The following AHCYL2 variants were observed in gnomAD, a reference collection of about 807,000 sequenced individuals.
AHCYL2 encodes the protein adenosylhomocysteinase like 2.
AHCYL2 carries 28 observed loss-of-function variants against 81.4 expected under a neutral mutation model. That is an observed-to-expected ratio of 0.34 (90% CI 0.25 to 0.47). The LOEUF is 0.47. Among genes scored for constraint, AHCYL2 ranks in the 20% least tolerant of loss-of-function variants. AHCYL2 has a pLI of 1.00. For missense variants in AHCYL2, 551 were observed against 785.1 expected (o/e 0.70, Z 3.56); for synonymous variants, 272 against 290.2 (o/e 0.94, Z 0.64).
intron 10 of AHCYL2, among the ~76,000 whole-genome samples, chr7:129,408,864 G>T (rs1796428470): frequency 6.6e-6 from 1 of 152,178 alleles, no homozygotes; most frequent in African/African-American, 2.4e-5. Flanking sequence ...AAGGGGTATA[G>T]AGTTTTAAGA....
intron 1 of AHCYL2, among the ~76,000 whole-genome samples, chr7:129,238,961 G>A (rs1584691477): frequency 6.6e-6 from 1 of 151,966 alleles, no homozygotes; most frequent in African/African-American, 2.4e-5. Context: ...CAAAAAAAAA[G>A]AACCTTTGTG....
At chr7:129,314,854 G>T (rs1797778444) in intron 1 of AHCYL2, among the ~76,000 whole-genome samples, 2 of 152,150 alleles carry the variant, frequency 1.3e-5, no homozygotes, top group Non-Finnish European at 2.9e-5. Context: ...AGCCACAATG[G>T]CAGTACAGAG....
At chr7:129,325,612 C>A (rs1798194497) in intron 1 of AHCYL2, among the ~76,000 whole-genome samples, 1 of 151,890 alleles carries the variant, frequency 6.6e-6, no homozygotes, top group South Asian at 2.1e-4. Flanking sequence ...TTTTCTATAC[C>A]CCTTTTCTTA....
intron 1 of AHCYL2, among the ~76,000 whole-genome samples, chr7:129,378,955 T>G (rs768814949): frequency 1.3e-5 from 2 of 151,722 alleles, no homozygotes; most frequent in African/African-American, 4.8e-5. Flanking sequence ...TTGTGGGGAG[T>G]GGGGTGTCAC....
At chr7:129,313,125 C>G (rs1440767625) in intron 1 of AHCYL2, among the ~76,000 whole-genome samples, 1 of 152,066 alleles carries the variant, frequency 6.6e-6, no homozygotes, top group Non-Finnish European at 1.5e-5. Context: ...CAAAACAGTC[C>G]CTAATACACA....
At chr7:129,361,196 T>C (rs1333380493) in intron 1 of AHCYL2, among the ~76,000 whole-genome samples, 7 of 152,348 alleles carry the variant, frequency 4.6e-5, no homozygotes, top group Admixed American at 1.3e-4. Flanking sequence ...GTGAGGAAGA[T>C]AGGACAGATT....
chr7:129,370,435 G>T (rs1434796340), intron 1 of AHCYL2, among the ~76,000 whole-genome samples: 1 of 152,270 alleles, frequency 6.6e-6, no homozygotes, highest in Non-Finnish European at 1.5e-5. Flanking sequence ...GGTGGCTCAC[G>T]CCTGTAATCC....
chr7:129,231,346 T>C (rs191231972), intron 1 of AHCYL2, among the ~76,000 whole-genome samples: 2 of 152,310 alleles, frequency 1.3e-5, no homozygotes, highest in Admixed American at 1.3e-4. Context: ...CTACCTACAT[T>C]CTCAGTATCC....
intron 1 of AHCYL2, among the ~76,000 whole-genome samples, chr7:129,261,485 G>C (rs888535187): frequency 3.9e-5 from 6 of 152,118 alleles, no homozygotes; most frequent in Admixed American, 3.9e-4. Context: ...CTTGATTTCA[G>C]CAATATGTAT....
chr7:129,390,837 T>G (rs1413034333), intron 4 of AHCYL2, among the ~76,000 whole-genome samples: 1 of 152,212 alleles, frequency 6.6e-6, no homozygotes, highest in Non-Finnish European at 1.5e-5. Context: ...TTACCATGAT[T>G]TGCTTACACC....
intron 13 of AHCYL2, among the ~76,000 whole-genome samples, chr7:129,423,208 C>T (rs924668941): frequency 2.4e-4 from 36 of 152,202 alleles, no homozygotes; most frequent in Admixed American, 2.2e-3. Context: ...AAGGAATTCA[C>T]AGATAGAACC....
chr7:129,408,373 G>T (rs1796401077), intron 10 of AHCYL2, among the ~76,000 whole-genome samples: 1 of 152,132 alleles, frequency 6.6e-6, no homozygotes, highest in African/African-American at 2.4e-5. Flanking sequence ...GACGTTTATG[G>T]AATTAAAGAA....
In AHCYL2 at chr7:129,429,690, T is replaced by C. The variant is rs965823363; in HGVS notation, c.*2645T>C. On this transcript the variant is annotated 3_prime_UTR_variant, in exon 17 of 17. Coordinates refer to ENST00000325006, the MANE Select transcript of AHCYL2 (RefSeq NM_015328.4). ...CTTTTTTGCCTTCTTAATGGAGATA[T>C]TCAGTTTTCTTTTTTTCATTTAAAC... is the stretch of plus-strand genomic sequence containing the variant. The C allele has an allele frequency of 2.0e-5, 3 of 152,450 alleles. No homozygotes were observed. The highest frequency in any genetic ancestry group is 2.1e-4 in the South Asian group (1 of 4,828). 9.4% of individuals were successfully genotyped at this position (152,450 alleles called of 1,614,324 possible). A position where few individuals can be genotyped will look rare whatever the true frequency, so the allele number is the denominator to read the frequency against.
chr7:129,301,047 G>A (rs1797242029), intron 1 of AHCYL2, among the ~76,000 whole-genome samples: 1 of 152,138 alleles, frequency 6.6e-6, no homozygotes. Context: ...TCAAACTCCT[G>A]ACCTCAACTG....
chr7:129,409,217 C>T (rs1796449373), intron 10 of AHCYL2, among the ~76,000 whole-genome samples: 1 of 152,186 alleles, frequency 6.6e-6, no homozygotes, highest in African/African-American at 2.4e-5. Context: ...GCACTTTCTA[C>T]AGTTTCTAGA....
chr7:129,315,302 G>A (rs1045406382), intron 1 of AHCYL2, among the ~76,000 whole-genome samples: 4 of 152,186 alleles, frequency 2.6e-5, no homozygotes, highest in African/African-American at 9.6e-5. Context: ...TCCTTGGCTT[G>A]GAATTCAAAG....
intron 1 of AHCYL2, among the ~76,000 whole-genome samples, chr7:129,299,388 T>TGAGA: frequency 1.3e-5 from 1 of 79,284 alleles, no homozygotes; most frequent in Non-Finnish European, 2.3e-5. Context: ...TTTTTTTTTT[T>TGAGA]TTTTTTTTTT....
At chr7:129,367,258 A>G (rs894148118) in intron 1 of AHCYL2, among the ~76,000 whole-genome samples, 1 of 152,170 alleles carries the variant, frequency 6.6e-6, no homozygotes, top group Non-Finnish European at 1.5e-5. Context: ...TAGAGAAACT[A>G]TCCTCTTCAA....
chr7:129,296,931 T>A (rs184947144), intron 1 of AHCYL2, among the ~76,000 whole-genome samples: 60 of 152,348 alleles, frequency 3.9e-4, no homozygotes, highest in African/African-American at 1.4e-3. Context: ...TAAAGGAGAA[T>A]TAAACTAAAT....
Sources: allele counts gnomAD v4.1 joint callset (sites outside exome capture counted in the v4.1 genomes callset), GRCh38; gene constraint gnomAD v4.1.1; transcripts MANE v1.5; gene names NCBI Gene and HGNC (gene_info 2026-07-23, HGNC 2026-07-21).